The following F13A1 variants were observed in gnomAD, a reference collection of about 807,000 sequenced individuals.
F13A1 encodes the protein FSF, A subunit.
F13A1 carries 47 observed loss-of-function variants against 80.1 expected under a neutral mutation model. The ratio of observed to expected loss-of-function variants is 0.59; its 90% CI spans 0.46 to 0.75. The LOEUF (loss-of-function observed/expected upper bound fraction) is 0.75, where lower values mean the gene tolerates loss of function less well. Among genes scored for constraint, F13A1 ranks in the 30% least tolerant of loss-of-function variants. The pLI is 0.00. For missense variants in F13A1, 817 were observed against 930.4 expected, an observed-to-expected ratio of 0.88 and a Z score of 1.59; for synonymous variants, 349 against 344.9, an observed-to-expected ratio of 1.01 and a Z score of -0.13.
At chr6:6,265,680 T>C (rs1048985981) in intron 4 of F13A1, among the ~76,000 whole-genome samples, 2 of 152,230 alleles carry the variant, frequency 1.3e-5, no homozygotes, top group African/African-American at 4.8e-5. Flanking sequence ...TCTTTGCACA[T>C]CCAGAGTTAT....
Position 6,145,435 on chromosome 6 carries a change from C to T in F13A1, c.*184G>A. The T allele has an allele frequency of 2.8e-6, 2 of 719,000 alleles. No homozygotes were observed. 44.5% of individuals were successfully genotyped at this position (719,000 alleles called of 1,614,324 possible). On this transcript the variant is annotated 3_prime_UTR_variant, in exon 15 of 15. Coordinates refer to ENST00000264870, the MANE Select transcript of F13A1 (RefSeq NM_000129.4). ...GAGAGATTAAAAACTAACTTCCTTG[C>T]CGAATAGCCTGGGTTTGGAAAAGCA...
intron 8 of F13A1, among the ~76,000 whole-genome samples, chr6:6,198,859 G>C (rs1761338459): frequency 6.6e-6 from 1 of 152,172 alleles, no homozygotes; most frequent in South Asian, 2.1e-4. Context: ...TGTTGATTTG[G>C]GGTGCCATGG....
intron 10 of F13A1, among the ~76,000 whole-genome samples, chr6:6,190,186 A>G (rs955017549): frequency 8.5e-5 from 13 of 152,086 alleles, no homozygotes; most frequent in Admixed American, 3.3e-4. Flanking sequence ...CCCGTAGCTC[A>G]GAGTAATTTG....
chr6:6,242,477 T>C (rs1297493187), intron 6 of F13A1, among the ~76,000 whole-genome samples: 1 of 152,328 alleles, frequency 6.6e-6, no homozygotes, highest in South Asian at 2.1e-4. Context: ...TAGTCCAGGA[T>C]GGCAGCAGTA....
At chr6:6,173,188 C>G (rs992288992) in intron 12 of F13A1, among the ~76,000 whole-genome samples, 3 of 151,996 alleles carry the variant, frequency 2.0e-5, no homozygotes, top group African/African-American at 7.3e-5. Context: ...TACGAACATC[C>G]TAGGAAATGT....
intron 6 of F13A1, among the ~76,000 whole-genome samples, chr6:6,232,384 T>C (rs1030491141): frequency 1.3e-5 from 2 of 152,126 alleles, no homozygotes; most frequent in African/African-American, 4.8e-5. Context: ...TAAAAGGCCT[T>C]GTCCAACAGG....
At chr6:6,205,968 T>C (rs1430687386) in intron 8 of F13A1, among the ~76,000 whole-genome samples, 1 of 152,202 alleles carries the variant, frequency 6.6e-6, no homozygotes, top group African/African-American at 2.4e-5. Flanking sequence ...TACCCCCTTT[T>C]ACCACTCTGG....
At chr6:6,159,465 C>T (rs990529711) in intron 13 of F13A1, among the ~76,000 whole-genome samples, 6 of 152,188 alleles carry the variant, frequency 3.9e-5, no homozygotes, top group Admixed American at 6.5e-5. Context: ...TGGAAGAGAT[C>T]TGGACATGGG....
chr6:6,254,066 G>C (rs1757672479), intron 4 of F13A1, among the ~76,000 whole-genome samples: 1 of 152,148 alleles, frequency 6.6e-6, no homozygotes, highest in South Asian at 2.1e-4. Context: ...CTAACAATCA[G>C]AGACATAAAA....
Position 6,181,909 on chromosome 6 carries a change from G to A in F13A1, c.1459+79C>T, listed in dbSNP as rs1002556305. Reference sequence around the variant, plus strand: ...GCTGCAAATGCCAGTGCATTCTCTGGAACTCATCTCTGAGTGACAATGAAT... The same window carrying A: ...GCTGCAAATGCCAGTGCATTCTCTGAAACTCATCTCTGAGTGACAATGAAT... On this transcript the variant is annotated intron_variant, in intron 11 of 14. Transcript: ENST00000264870. 2.0e-6 allele frequency: 3 copies of A among 1,507,792 alleles called. No homozygotes were observed. In the South Asian group the frequency reaches 3.4e-5, roughly 17 times the overall value. The allele number at this position is 1,507,792 out of a possible 1,614,324, so 93.4% of individuals were successfully genotyped here.
intron 12 of F13A1, among the ~76,000 whole-genome samples, chr6:6,168,841 T>G (rs1456650138): frequency 6.6e-6 from 1 of 152,142 alleles, no homozygotes; most frequent in African/African-American, 2.4e-5. Context: ...GGCTCGAAGG[T>G]GTGGGTGCAT....
intron 3 of F13A1, among the ~76,000 whole-genome samples, chr6:6,277,806 A>C (rs940241114): frequency 6.6e-5 from 10 of 152,266 alleles, no homozygotes; most frequent in African/African-American, 2.4e-4. Context: ...AACATGGGTC[A>C]CACATAACAT....
rs755670896 is a variant in F13A1 at position 6,145,437 on chromosome 6, G to C, written c.*182C>G. 1 of 734,002 alleles carries C rather than the reference G, an allele frequency of 1.4e-6. No individual in the cohort carries two copies. Among genetic ancestry groups the C allele is most frequent in the Non-Finnish European group, 2.3e-6 (1 of 428,896 alleles). The allele number at this position is 734,002 out of a possible 1,614,324, so 45.5% of individuals were successfully genotyped here. ...GAGATTAAAAACTAACTTCCTTGCCGAATAGCCTGGGTTTGGAAAAGCATG... is the reference window on the plus strand; with the variant it reads ...GAGATTAAAAACTAACTTCCTTGCCCAATAGCCTGGGTTTGGAAAAGCATG... On this transcript the variant is annotated 3_prime_UTR_variant, in exon 15 of 15. Transcript: ENST00000264870.
At chr6:6,294,915 C>T (rs969277449) in intron 3 of F13A1, among the ~76,000 whole-genome samples, 1 of 123,912 alleles carries the variant, frequency 8.1e-6, no homozygotes, top group Admixed American at 9.1e-5. Flanking sequence ...CCACAACAGG[C>T]CCCAGAGTGT....
intron 10 of F13A1, among the ~76,000 whole-genome samples, chr6:6,182,786 C>T (rs890342070): frequency 6.6e-6 from 1 of 152,062 alleles, no homozygotes; most frequent in East Asian, 1.9e-4. Flanking sequence ...TGGCTAAGCC[C>T]GCATCAGGAC....
At chr6:6,271,122 T>G (rs1438865161) in intron 3 of F13A1, among the ~76,000 whole-genome samples, 1 of 152,140 alleles carries the variant, frequency 6.6e-6, no homozygotes, top group African/African-American at 2.4e-5. Context: ...GAATCCTGAT[T>G]GGCAGGCTTT....
At chr6:6,289,015 C>CA (rs1474621810) in intron 3 of F13A1, among the ~76,000 whole-genome samples, 6 of 152,212 alleles carry the variant, frequency 3.9e-5, no homozygotes, top group African/African-American at 1.4e-4. Context: ...TCCCTGTGAA[C>CA]ATTGGTTTCC....
At chr6:6,293,774 TGAGA>T (rs1382847233) in intron 3 of F13A1, among the ~76,000 whole-genome samples, 2,393 of 71,772 alleles carry the variant, frequency 0.033, 100 homozygotes, top group African/African-American at 0.12. Flanking sequence ...ATGGAGGGAG[TGAGA>T]GAGAGAGGGA....
rs557113013 is a variant in F13A1, at chr6:6,269,425, G to A, written c.320-2616C>T. On this transcript the variant is annotated intron_variant, in intron 3 of 14. Coordinates refer to ENST00000264870, the MANE Select transcript of F13A1 (RefSeq NM_000129.4). ...ATCAAAGCCCAAATCTATTTCAAAG[G>A]CCAATTCATCCCAAACTAAAAAACC... 5.2e-4 allele frequency among the ~76,000 whole-genome samples: 79 copies of A among 151,888 alleles called. 1 individual carries two copies. The Middle Eastern group carries it at 0.017, about 33-fold the overall frequency.
Sources: gnomAD v4.1 joint callset for allele counts (sites outside exome capture counted in the v4.1 genomes callset) on GRCh38, gnomAD v4.1.1 for gene constraint, MANE v1.5 for transcripts, NCBI Gene and HGNC (gene_info 2026-07-23, HGNC 2026-07-21) for gene names.